Variants in NLRP2 observed in about 807,000 individuals in gnomAD.
The protein encoded by NLRP2 is NACHT, LRR and PYD domains-containing protein 2.
In NLRP2, 107 loss-of-function variants were observed where a neutral mutation model predicts 97.2. The observed-to-expected ratio is 1.10, with a 90% confidence interval of 0.94 to 1.29. NLRP2 has a LOEUF of 1.29. Among genes scored for constraint, NLRP2 ranks in the 50% most tolerant of loss-of-function variants. The pLI is 0.00. For missense variants in NLRP2, 1,495 were observed against 1,330.3 expected (o/e 1.12, Z -1.93); for synonymous variants, 663 against 551.5 (o/e 1.20, Z -2.83).
intron 8 of NLRP2, among the ~76,000 whole-genome samples, chr19:54,987,908 T>C (rs1178488387): frequency 6.6e-6 from 1 of 152,100 alleles, no homozygotes; most frequent in African/African-American, 2.4e-5. Context: ...CTGGGCATGG[T>C]GGCGCGTGCC....
chr19:54,970,276 A>G lies in NLRP2; in HGVS notation c.261A>G (p.Arg87=). The change falls in exon 2 of 13, where the codon AGA becomes AGG. Residue 87 remains arginine (R), a synonymous_variant. Transcript: ENST00000448584. ...EKMHRMDLSE[R]AKDEVREAAL... ...TGCACCGAATGGATCTGTCTGAGAGAGCAAAGGATGAAGTCAGAGGTGAGT... is the reference window on the plus strand; with the variant it reads ...TGCACCGAATGGATCTGTCTGAGAGGGCAAAGGATGAAGTCAGAGGTGAGT... 6.2e-7 allele frequency: 1 copy of G among 1,614,092 alleles called. No individual in the cohort carries two copies. Among genetic ancestry groups the G allele is most frequent in the Non-Finnish European group, 8.5e-7 (1 of 1,180,018 alleles).
chr19:54,975,026 C>A (rs1417117196), intron 3 of NLRP2, among the ~76,000 whole-genome samples: 2 of 150,288 alleles, frequency 1.3e-5, no homozygotes, highest in Admixed American at 1.3e-4. Context: ...GTCTTGAACT[C>A]CTGACCTCAA....
At chr19:54,968,895 G>T (rs1055457224) in intron 1 of NLRP2, among the ~76,000 whole-genome samples, 5 of 151,508 alleles carry the variant, frequency 3.3e-5, no homozygotes, top group Admixed American at 2.0e-4. Flanking sequence ...TAGAGACGGG[G>T]TTTCACTGTG....
intron 2 of NLRP2, 67 bp from the exon 3 acceptor site, chr19:54,974,433 T>C (rs895799253): frequency 8.8e-7 from 1 of 1,141,484 alleles, no homozygotes; most frequent in Non-Finnish European, 1.3e-6. Flanking sequence ...ATCTTTTCTT[T>C]TATGAAGGCA....
intron 6 of NLRP2, among the ~76,000 whole-genome samples, chr19:54,984,485 CTTTTTTTT>C (rs36061621): frequency 1.3e-5 from 1 of 76,914 alleles, no homozygotes; most frequent in Non-Finnish European, 2.3e-5. Flanking sequence ...TATTCCCAAT[CTTTTTTTT>C]TTTTTTTGAG....
At position 54,982,703 on chromosome 19, in the gene NLRP2, C is replaced by T. The variant is rs193065675; in HGVS notation, c.1005C>T (p.Thr335=). The T allele has an allele frequency of 6.8e-5, 110 of 1,614,052 alleles. No individual in the cohort carries two copies. The highest frequency in any genetic ancestry group is 8.8e-5 in the Non-Finnish European group (104 of 1,179,974). The change falls in exon 6 of 13, where the codon ACC becomes ACT. Residue 335 remains threonine (T), a synonymous_variant. Transcript: ENST00000448584. ...TACCCAAGGCCGCCCTGCTGGTCAC[C>T]ACGCGGCCCAGGGCCCTGAGGGACC... ...VMLPKAALLV[T]TRPRALRDLR... is the part of the protein sequence containing the mutation.
chr19:54,987,216 A>G (rs1444274799), intron 8 of NLRP2, among the ~76,000 whole-genome samples: 1 of 148,620 alleles, frequency 6.7e-6, no homozygotes, highest in Non-Finnish European at 1.5e-5. Context: ...ATCTTCTATC[A>G]GAGATCATTC....
intron 2 of NLRP2, among the ~76,000 whole-genome samples, chr19:54,971,042 A>C (rs1315501626): frequency 7.7e-6 from 1 of 129,622 alleles, no homozygotes; most frequent in African/African-American, 2.9e-5. Context: ...TCATTGTTCA[A>C]TTCCCACCTA....
At chr19:54,989,253 C>G (rs1013671044) in intron 8 of NLRP2, among the ~76,000 whole-genome samples, 9 of 151,888 alleles carry the variant, frequency 5.9e-5, no homozygotes, top group Non-Finnish European at 1.3e-4. Context: ...ATTGCCCCGG[C>G]CAAAGTTAGG....
intron 3 of NLRP2, among the ~76,000 whole-genome samples, chr19:54,975,101 G>C (rs1434592439): frequency 1.7e-4 from 14 of 83,086 alleles, no homozygotes; most frequent in African/African-American, 5.0e-4. Context: ...ACCACACCCG[G>C]TTTTGTTTTT....
chr19:54,968,378 G>A (rs2070613901), intron 1 of NLRP2, among the ~76,000 whole-genome samples: 1 of 151,532 alleles, frequency 6.6e-6, no homozygotes, highest in South Asian at 2.1e-4. Context: ...AGGCTGGAGT[G>A]CAGTGGTGCG....
chr19:54,982,085 G>C, intron 5 of NLRP2, 77 bp from the exon 6 acceptor site: 1 of 1,584,586 alleles, frequency 6.3e-7, no homozygotes, highest in East Asian at 2.2e-5. Context: ...GCCAACACAA[G>C]GCATTTTGTT....
chr19:54,984,531 G>C (rs994818594), intron 6 of NLRP2, among the ~76,000 whole-genome samples: 1 of 99,738 alleles, frequency 1.0e-5, no homozygotes, highest in Non-Finnish European at 1.9e-5. Context: ...TTCCCAGGTC[G>C]GAGTGAAGTG....
intron 2 of NLRP2, among the ~76,000 whole-genome samples, chr19:54,973,274 A>G (rs991233006): frequency 6.7e-6 from 1 of 150,166 alleles, no homozygotes; most frequent in African/African-American, 2.5e-5. Flanking sequence ...TTATTTAAAA[A>G]TTGCCAGTTT....
chr19:54,985,958 C>T (rs540710093), intron 7 of NLRP2, among the ~76,000 whole-genome samples, 193 bp from the exon 8 acceptor site: 7 of 151,902 alleles, frequency 4.6e-5, no homozygotes, highest in South Asian at 2.1e-4. Context: ...GCCGAGATCG[C>T]GCCACTGCAC....
intron 10 of NLRP2, among the ~76,000 whole-genome samples, chr19:54,992,835 A>C (rs944778791): frequency 1.3e-5 from 2 of 151,922 alleles, no homozygotes; most frequent in African/African-American, 4.8e-5. Flanking sequence ...CTGGGATTAC[A>C]GGTGTGAGCC....
intron 1 of NLRP2, 52 bp from the exon 2 acceptor site, chr19:54,969,947 C>T: frequency 6.4e-7 from 1 of 1,556,026 alleles, no homozygotes; most frequent in African/African-American, 1.4e-5. Context: ...GCATTTGAGA[C>T]AGGAGTGCTA....
At chr19:54,977,903 AC>A in intron 4 of NLRP2, 80 bp downstream of exon 4, 1 of 1,259,388 alleles carries the variant, frequency 7.9e-7, no homozygotes, top group Non-Finnish European at 1.2e-6. Flanking sequence ...CCTTTGAAGA[AC>A]CCCATCTCTC....
chr19:54,988,723 T>C lies in NLRP2; in HGVS notation c.2367-1299T>C, dbSNP rs961032150. On this transcript the variant is annotated intron_variant, in intron 8 of 12. Transcript: ENST00000448584. ...TTAGGAGAAATGGGGTTTCATCATG[T>C]TGTTCCGGCTGGTCTTAAACTCCTG... Among the ~76,000 whole-genome samples the C allele has an allele frequency of 1.8e-4, 28 of 152,192 alleles. 1 individual carries two copies. The highest frequency in any genetic ancestry group is 7.2e-4 in the Admixed American group (11 of 15,274).
Sources: allele counts gnomAD v4.1 joint callset (sites outside exome capture counted in the v4.1 genomes callset), GRCh38; gene constraint gnomAD v4.1.1; transcripts MANE v1.5; gene names NCBI Gene and HGNC (gene_info 2026-07-23, HGNC 2026-07-21).